Variants in XKR9 observed in about 807,000 individuals in gnomAD.
XKR9 encodes XK-related protein 9.
A neutral mutation model predicts 32.0 loss-of-function variants in XKR9; 32 were observed. That is an observed-to-expected ratio of 1.00 (90% CI 0.76 to 1.34). The LOEUF (loss-of-function observed/expected upper bound fraction) is 1.34, where lower values mean the gene tolerates loss of function less well. XKR9 is among the 40% of genes most tolerant of loss of function. XKR9 has a pLI of 0.00. For synonymous variants in XKR9, 168 were observed against 143.4 expected (o/e 1.17, Z -1.22); for missense variants, 546 against 429.7 (o/e 1.27, Z -2.39).
chr8:70,887,063 A>C, the XKR9 span, among the ~76,000 whole-genome samples: 2 of 152,118 alleles, frequency 1.3e-5, no homozygotes, highest in African/African-American at 4.8e-5. Flanking sequence ...TAAGTTTTAC[A>C]TTTAAGTCTT....
chr8:70,846,278 G>A, the XKR9 span, among the ~76,000 whole-genome samples: 1 of 152,034 alleles, frequency 6.6e-6, no homozygotes, highest in Non-Finnish European at 1.5e-5. Context: ...CTCACCACTA[G>A]ACTGAATCTA....
the XKR9 span, among the ~76,000 whole-genome samples, chr8:70,807,906 A>C: frequency 6.6e-6 from 1 of 152,312 alleles, no homozygotes; most frequent in Admixed American, 6.5e-5. Context: ...CTCTGGATCA[A>C]GTGGATCTAA....
chr8:70,750,828 A>G (rs1807129310), intron 2 of XKR9, among the ~76,000 whole-genome samples: 2 of 152,178 alleles, frequency 1.3e-5, no homozygotes, highest in Non-Finnish European at 2.9e-5. Context: ...TTATGTGTCA[A>G]TTTGGCTGGG....
At chr8:71,035,768 A>G in the XKR9 span, among the ~76,000 whole-genome samples, 1 of 152,160 alleles carries the variant, frequency 6.6e-6, no homozygotes, top group African/African-American at 2.4e-5. Context: ...GAGAAACAGC[A>G]GAAGCAGGAA....
intron 2 of XKR9, among the ~76,000 whole-genome samples, chr8:70,758,838 A>T (rs1016028574): frequency 6.6e-6 from 1 of 152,206 alleles, no homozygotes; most frequent in African/African-American, 2.4e-5. Context: ...TTACAGAGTA[A>T]CAGCAAAGCT....
the XKR9 span, among the ~76,000 whole-genome samples, chr8:70,907,972 G>T: frequency 1.3e-5 from 2 of 152,088 alleles, no homozygotes; most frequent in Non-Finnish European, 2.9e-5. Flanking sequence ...GTTTTTTCAT[G>T]ACAATTGTCT....
chr8:70,887,883 A>T, the XKR9 span, among the ~76,000 whole-genome samples: 1 of 152,068 alleles, frequency 6.6e-6, no homozygotes, highest in African/African-American at 2.4e-5. Context: ...AGACAATTTG[A>T]CTTCCTCTCT....
the XKR9 span, among the ~76,000 whole-genome samples, chr8:71,048,066 T>G: frequency 2.0e-5 from 3 of 152,088 alleles, no homozygotes; most frequent in Non-Finnish European, 2.9e-5. Flanking sequence ...CCAACTTCCA[T>G]GTGAGGGAGA....
At chr8:70,884,165 T>C in the XKR9 span, among the ~76,000 whole-genome samples, 21 of 152,308 alleles carry the variant, frequency 1.4e-4, no homozygotes, top group African/African-American at 3.1e-4. Context: ...CATATGCTTG[T>C]TCATAATCTG....
chr8:71,030,794 A>T, the XKR9 span, among the ~76,000 whole-genome samples: 13 of 152,188 alleles, frequency 8.5e-5, no homozygotes, highest in Non-Finnish European at 1.6e-4. Flanking sequence ...AAACTCATTG[A>T]AACCTCATTA....
intron 2 of XKR9, among the ~76,000 whole-genome samples, chr8:70,758,839 C>A: frequency 6.6e-6 from 1 of 152,156 alleles, no homozygotes; most frequent in East Asian, 1.9e-4. Context: ...TACAGAGTAA[C>A]AGCAAAGCTC....
intron 4 of XKR9, among the ~76,000 whole-genome samples, chr8:70,723,314 C>T (rs1806345752): frequency 6.6e-6 from 1 of 152,180 alleles, no homozygotes; most frequent in South Asian, 2.1e-4. Context: ...TCGTCAAACT[C>T]ATTCTCATTC....
At chr8:70,900,596 A>AAATGAATG in the XKR9 span, among the ~76,000 whole-genome samples, 2 of 150,738 alleles carry the variant, frequency 1.3e-5, no homozygotes, top group Non-Finnish European at 2.9e-5. Context: ...CTAAAAAATT[A>AAATGAATG]AATGAATAAA....
At chr8:70,803,171 G>T in the XKR9 span, among the ~76,000 whole-genome samples, 2 of 151,322 alleles carry the variant, frequency 1.3e-5, no homozygotes, top group Non-Finnish European at 3.0e-5. Flanking sequence ...AAATTATTGT[G>T]ACTGTTATTT....
the XKR9 span, among the ~76,000 whole-genome samples, chr8:70,886,957 G>A: frequency 3.3e-5 from 5 of 152,012 alleles, no homozygotes; most frequent in Non-Finnish European, 5.9e-5. Flanking sequence ...TGAAATCTTC[G>A]CTTATGCCTA....
At chr8:70,941,163 G>A in the XKR9 span, among the ~76,000 whole-genome samples, 1 of 151,668 alleles carries the variant, frequency 6.6e-6, no homozygotes, top group Non-Finnish European at 1.5e-5. Flanking sequence ...TCTGCTTTCT[G>A]TCTTTTGGGA....
At chr8:70,869,786 G>A in the XKR9 span, among the ~76,000 whole-genome samples, 1 of 152,136 alleles carries the variant, frequency 6.6e-6, no homozygotes, top group South Asian at 2.1e-4. Flanking sequence ...TACGTTAGGT[G>A]GGTTAAAGTA....
the XKR9 span, among the ~76,000 whole-genome samples, chr8:70,983,347 C>A: frequency 1.3e-5 from 2 of 152,130 alleles, no homozygotes; most frequent in African/African-American, 4.8e-5. Flanking sequence ...ACCGTCTGAA[C>A]TTCCTGTATC....
chr8:71,016,547 T>C, the XKR9 span, among the ~76,000 whole-genome samples: 1 of 152,170 alleles, frequency 6.6e-6, no homozygotes, highest in African/African-American at 2.4e-5. Flanking sequence ...TCTTCAAATC[T>C]TCCCTAAACA....
Sources: gnomAD v4.1 joint callset for allele counts (sites outside exome capture counted in the v4.1 genomes callset) on GRCh38, gnomAD v4.1.1 for gene constraint, MANE v1.5 for transcripts, NCBI Gene and HGNC (gene_info 2026-07-23, HGNC 2026-07-21) for gene names.